Variants in GSAP observed in about 807,000 individuals in gnomAD.
GSAP encodes the protein gamma-secretase activating protein, also known as gamma-secretase-activating protein.
In GSAP, 118 loss-of-function variants were observed where a neutral mutation model predicts 131.7. The observed-to-expected ratio is 0.90, with a 90% CI of 0.77 to 1.04. The LOEUF is 1.04. Ranked by LOEUF, GSAP falls within the 50% of genes least tolerant of loss-of-function variation. GSAP has a pLI of 0.00. For missense variants in GSAP, 1,019 were observed against 1,013.2 expected, an observed-to-expected ratio of 1.01 and a Z score of -0.08; for synonymous variants, 381 against 363.4, an observed-to-expected ratio of 1.05 and a Z score of -0.55.
Position 77,374,167 on chromosome 7 carries a change from A to C in GSAP, c.786-12T>G, listed in dbSNP as rs779244338. The C allele has an allele frequency of 7.2e-7, 1 of 1,379,314 alleles. No individual in the cohort carries two copies. Among genetic ancestry groups the C allele is most frequent in the South Asian group, 1.2e-5 (1 of 81,686 alleles). 85.4% of individuals were successfully genotyped at this position (1,379,314 alleles called of 1,614,324 possible). ...CAAAGTTGACAAGTCTAAGAACATA[A>C]AGAATGAGAAATTATTGAATGCATT... On this transcript the variant is annotated splice_polypyrimidine_tract_variant and intron_variant, in intron 11 of 30. Coordinates refer to ENST00000257626, the MANE Select transcript of GSAP (RefSeq NM_017439.4).
At chr7:77,414,066 C>T (rs978297142) in intron 1 of GSAP, among the ~76,000 whole-genome samples, 1 of 152,166 alleles carries the variant, frequency 6.6e-6, no homozygotes, top group Admixed American at 6.5e-5. Flanking sequence ...CACAGAATTT[C>T]CATGGCTGAC....
At chr7:77,392,651 A>G (rs1799771613) in intron 5 of GSAP, among the ~76,000 whole-genome samples, 1 of 152,212 alleles carries the variant, frequency 6.6e-6, no homozygotes, top group African/African-American at 2.4e-5. Context: ...AGGATCAGGC[A>G]GAGGGATAGA....
At chr7:77,313,634 T>C (rs529077142) in intron 27 of GSAP, 85 bp from the exon 28 acceptor site, 2 of 685,374 alleles carry the variant, frequency 2.9e-6, no homozygotes, top group Non-Finnish European at 5.2e-6. Context: ...GAGTGGTTCA[T>C]CTTGATAGGA....
At chr7:77,317,245 A>G (rs929817111) in intron 26 of GSAP, among the ~76,000 whole-genome samples, 5 of 152,010 alleles carry the variant, frequency 3.3e-5, no homozygotes, top group Non-Finnish European at 5.9e-5. Context: ...GAAGCTTGAA[A>G]CCATCATTCT....
At chr7:77,331,892 G>GAAAAA (rs770529010) in intron 19 of GSAP, 6 of 109,790 alleles carry the variant, frequency 5.5e-5, no homozygotes, top group African/African-American at 9.8e-5. Context: ...TATTTAAGAA[G>GAAAAA]AAAAAAAAAA....
intron 19 of GSAP, among the ~76,000 whole-genome samples, 169 bp downstream of exon 19, chr7:77,349,182 C>T (rs1286909645): frequency 6.6e-6 from 1 of 152,192 alleles, no homozygotes; most frequent in Non-Finnish European, 1.5e-5. Flanking sequence ...TAATACCATA[C>T]TCAGTGATCA....
Position 77,381,359 on chromosome 7 carries a change from AAAAGAAAAAC to A in GSAP, c.527-15_527-6del, listed in dbSNP as rs1308564058. The A allele has an allele frequency of 1.4e-6, 2 of 1,462,672 alleles. No homozygotes were observed. The highest frequency in any genetic ancestry group is 1.9e-6 in the Non-Finnish European group (2 of 1,064,022). 90.6% of individuals were successfully genotyped at this position (1,462,672 alleles called of 1,614,324 possible). The stretch of plus-strand genomic sequence containing the variant: ...GGATACGAAATTGTTCAATATCTTT[AAAAGAAAAAC>A]AAAGAAAGATAATTTAACCTTAAGG... On this transcript the variant is annotated splice_polypyrimidine_tract_variant and splice_region_variant and intron_variant, in intron 7 of 30. Coordinates refer to ENST00000257626, the MANE Select transcript of GSAP (RefSeq NM_017439.4).
chr7:77,375,809 A>G (rs1462478197), intron 10 of GSAP, among the ~76,000 whole-genome samples: 1 of 150,870 alleles, frequency 6.6e-6, no homozygotes, highest in African/African-American at 2.4e-5. Flanking sequence ...ATGCCACTGC[A>G]CTCCAGCCAG....
intron 22 of GSAP, chr7:77,326,512 T>C (rs1788350613): frequency 2.5e-6 from 1 of 396,374 alleles, no homozygotes; most frequent in East Asian, 4.3e-5. Flanking sequence ...CAGTAGGCTC[T>C]AGCTTTGATT....
chr7:77,416,361 C>T, upstream of GSAP: 2 of 1,212,658 alleles, frequency 1.6e-6, no homozygotes, highest in South Asian at 1.6e-5. Context: ...GGGCCCCGCA[C>T]CGCGGGCATT....
At chr7:77,350,130 G>A (rs1296215093) in intron 18 of GSAP, among the ~76,000 whole-genome samples, 1 of 151,562 alleles carries the variant, frequency 6.6e-6, no homozygotes, top group African/African-American at 2.4e-5. Flanking sequence ...GTAGGGACAT[G>A]GATGAAATTG....
chr7:77,320,214 A>G (rs1787441381), intron 26 of GSAP, among the ~76,000 whole-genome samples: 1 of 152,192 alleles, frequency 6.6e-6, no homozygotes, highest in African/African-American at 2.4e-5. Flanking sequence ...TGCTCAACAA[A>G]TATTTGTTGA....
At chr7:77,360,235 A>T (rs988713419) in intron 14 of GSAP, among the ~76,000 whole-genome samples, 2 of 152,218 alleles carry the variant, frequency 1.3e-5, no homozygotes, top group Admixed American at 1.3e-4. Flanking sequence ...CTTGTGCTAA[A>T]CTTTGTGCCC....
chr7:77,398,328 A>C (rs1165187405), intron 3 of GSAP, among the ~76,000 whole-genome samples: 1 of 152,228 alleles, frequency 6.6e-6, no homozygotes, highest in African/African-American at 2.4e-5. Context: ...AATTGATTAC[A>C]GAAAGTGAAC....
At chr7:77,312,999 T>G (rs1298912732) in intron 28 of GSAP, among the ~76,000 whole-genome samples, 1 of 152,216 alleles carries the variant, frequency 6.6e-6, no homozygotes, top group African/African-American at 2.4e-5. Context: ...TGTCATATTT[T>G]CATAGTATCT....
At chr7:77,348,579 G>A (rs2150818820) in intron 19 of GSAP, among the ~76,000 whole-genome samples, 1 of 152,342 alleles carries the variant, frequency 6.6e-6, no homozygotes, top group African/African-American at 2.4e-5. Flanking sequence ...CCTGCTGCCA[G>A]AAGTTGAGAT....
At chr7:77,371,891 T>C (rs1796171673) in intron 12 of GSAP, among the ~76,000 whole-genome samples, 1 of 152,226 alleles carries the variant, frequency 6.6e-6, no homozygotes, top group South Asian at 2.1e-4. Flanking sequence ...GGTGACAAAG[T>C]ACCATCCTAT....
intron 12 of GSAP, among the ~76,000 whole-genome samples, chr7:77,371,441 T>C (rs1484147799): frequency 8.6e-4 from 129 of 150,068 alleles, no homozygotes; most frequent in African/African-American, 1.6e-3. Context: ...CTTTTTTTTT[T>C]TTTTTTTTTT....
chr7:77,355,163 T>A (rs775641641), intron 16 of GSAP, 50 bp downstream of exon 16: 1 of 1,139,330 alleles, frequency 8.8e-7, no homozygotes, highest in Admixed American at 2.0e-5. Context: ...AAAATAAATA[T>A]GTTCAGTGTC....
Sources: allele counts gnomAD v4.1 joint callset (sites outside exome capture counted in the v4.1 genomes callset), GRCh38; gene constraint gnomAD v4.1.1; transcripts MANE v1.5; gene names NCBI Gene and HGNC (gene_info 2026-07-23, HGNC 2026-07-21).